S100A8: variants seen among roughly 807,000 people sequenced by gnomAD.
S100A8 encodes the protein protein S100-A8.
A neutral mutation model predicts 4.2 loss-of-function variants in S100A8; 1 was observed. The observed-to-expected ratio is 0.24, with a 90% CI of 0.08 to 1.12. S100A8 has a LOEUF of 1.12. Ranked by LOEUF, S100A8 falls within the 50% of genes most tolerant of loss-of-function variation. The pLI is 0.53. For synonymous variants in S100A8, 41 were observed against 44.7 expected, an observed-to-expected ratio of 0.92 and a Z score of 0.33; for missense variants, 96 against 111.8, an observed-to-expected ratio of 0.86 and a Z score of 0.64.
chr1:153,416,976 C>T, the S100A8 span, among the ~76,000 whole-genome samples: 5 of 152,074 alleles, frequency 3.3e-5, no homozygotes, highest in South Asian at 2.1e-4. Flanking sequence ...CTCTCCAAAC[C>T]CCCAGGCCTT....
the S100A8 span, among the ~76,000 whole-genome samples, chr1:153,399,523 C>T: frequency 6.6e-6 from 1 of 152,186 alleles, no homozygotes; most frequent in Non-Finnish European, 1.5e-5. Context: ...CCCCCAAACT[C>T]CACTGTCATG....
chr1:153,407,548 A>G, the S100A8 span, among the ~76,000 whole-genome samples: 8 of 152,360 alleles, frequency 5.3e-5, no homozygotes, highest in South Asian at 1.2e-3. Context: ...TGGGCAGGGC[A>G]TAGCTGAACA....
the S100A8 span, among the ~76,000 whole-genome samples, chr1:153,418,835 A>C: frequency 1.3e-5 from 2 of 152,156 alleles, no homozygotes; most frequent in African/African-American, 4.8e-5. Flanking sequence ...AGTGCCCTTA[A>C]ATGCTGGGAA....
the S100A8 span, chr1:153,419,472 T>A: frequency 1.3e-6 from 1 of 784,362 alleles, no homozygotes; most frequent in Non-Finnish European, 2.0e-6. Context: ...ATCCAGTGGG[T>A]CACCCAGGAG....
the S100A8 span, among the ~76,000 whole-genome samples, chr1:153,410,489 T>C: frequency 6.6e-6 from 1 of 152,144 alleles, no homozygotes; most frequent in Non-Finnish European, 1.5e-5. Flanking sequence ...CAATAATTAA[T>C]AGCCTACCAA....
the S100A8 span, among the ~76,000 whole-genome samples, chr1:153,409,272 G>C: frequency 1.3e-5 from 2 of 152,078 alleles, no homozygotes; most frequent in Non-Finnish European, 2.9e-5. Context: ...AAAATAAAGG[G>C]ATGAAGGAAG....
At chr1:153,406,608 T>C in the S100A8 span, among the ~76,000 whole-genome samples, 2 of 152,142 alleles carry the variant, frequency 1.3e-5, no homozygotes, top group African/African-American at 4.8e-5. Context: ...ACAAATTGCT[T>C]TCTGTCCTCT....
the S100A8 span, among the ~76,000 whole-genome samples, chr1:153,415,205 T>G: frequency 6.6e-6 from 1 of 151,976 alleles, no homozygotes; most frequent in Admixed American, 6.6e-5. Context: ...TGTGTGTGTA[T>G]CTTTTGCCGC....
At chr1:153,397,609 G>A in the S100A8 span, among the ~76,000 whole-genome samples, 4 of 152,092 alleles carry the variant, frequency 2.6e-5, no homozygotes, top group South Asian at 6.2e-4. Context: ...TGGGCAGGGC[G>A]GGTGAGGCAG....
chr1:153,413,548 C>A, the S100A8 span, among the ~76,000 whole-genome samples: 1 of 152,146 alleles, frequency 6.6e-6, no homozygotes, highest in Non-Finnish European at 1.5e-5. Flanking sequence ...TGTCAGTTTT[C>A]ATTAATTTAT....
At chr1:153,402,459 G>A in the S100A8 span, among the ~76,000 whole-genome samples, 1 of 152,306 alleles carries the variant, frequency 6.6e-6, no homozygotes, top group Admixed American at 6.5e-5. Context: ...CTGGAACAGA[G>A]GTGCTCAGGT....
chr1:153,406,852 G>T, the S100A8 span, among the ~76,000 whole-genome samples: 1 of 152,226 alleles, frequency 6.6e-6, no homozygotes. Context: ...ACATGACACA[G>T]GGGAAAGGCT....
chr1:153,393,362 G>A (rs1429543978), upstream of S100A8, among the ~76,000 whole-genome samples: 2 of 152,070 alleles, frequency 1.3e-5, no homozygotes, highest in East Asian at 1.9e-4. Context: ...TCTTTTCTTT[G>A]GGACCAGGAG....
chr1:153,397,170 A>C, the S100A8 span, among the ~76,000 whole-genome samples: 2 of 152,214 alleles, frequency 1.3e-5, no homozygotes, highest in African/African-American at 4.8e-5. Context: ...GGGCTTCCTC[A>C]AGGCAGGGCA....
At chr1:153,417,772 G>C in the S100A8 span, among the ~76,000 whole-genome samples, 1 of 152,190 alleles carries the variant, frequency 6.6e-6, no homozygotes. Context: ...GTTCTTCTAT[G>C]TGTTGCTGGC....
upstream of S100A8, among the ~76,000 whole-genome samples, chr1:153,393,398 C>G (rs1164955734): frequency 1.3e-5 from 2 of 152,312 alleles, no homozygotes; most frequent in African/African-American, 2.4e-5. Context: ...AATCACATTT[C>G]TTTTCACAAC....
upstream of S100A8, among the ~76,000 whole-genome samples, chr1:153,395,580 G>C (rs1662195153): frequency 2.0e-5 from 3 of 152,224 alleles, no homozygotes; most frequent in South Asian, 2.1e-4. Flanking sequence ...GGTCTGATCT[G>C]TCTTCCTCCA....
intron 2 of S100A8, 70 bp downstream of exon 2, chr1:153,390,325 G>A: frequency 6.2e-7 from 1 of 1,603,786 alleles, no homozygotes; most frequent in Non-Finnish European, 8.5e-7. Context: ...AGGGTGGCAG[G>A]GAGGACCGCT....
intron 1 of S100A8, chr1:153,390,798 C>T: frequency 1.8e-6 from 1 of 554,266 alleles, no homozygotes. Flanking sequence ...CGTAGACTTT[C>T]CTTACCACCC....
Sources: allele counts gnomAD v4.1 joint callset (sites outside exome capture counted in the v4.1 genomes callset), GRCh38; gene constraint gnomAD v4.1.1; transcripts MANE v1.5; gene names NCBI Gene and HGNC (gene_info 2026-07-23, HGNC 2026-07-21).